PEX1: variants seen among roughly 807,000 people sequenced by gnomAD.
PEX1 encodes peroxisomal biogenesis factor 1.
In PEX1, 97 loss-of-function variants were observed where a neutral mutation model predicts 152.5. The ratio of observed to expected loss-of-function variants is 0.64; its 90% CI spans 0.54 to 0.75. The LOEUF (loss-of-function observed/expected upper bound fraction) is 0.75. PEX1 is among the 30% of genes least tolerant of loss of function. The probability of loss-of-function intolerance (pLI) is 0.00; values close to 1 mark genes in which losing one functional copy is unlikely to be tolerated. For missense variants in PEX1, 1,357 were observed against 1,516.3 expected (o/e 0.89, Z 1.74); for synonymous variants, 485 against 531.6 (o/e 0.91, Z 1.21).
chr7:92,502,948 G>T, intron 13 of PEX1, 93 bp downstream of exon 13: 4 of 1,027,952 alleles, frequency 3.9e-6, no homozygotes, highest in Non-Finnish European at 6.0e-6. Context: ...ATTAAGAGAA[G>T]CATAAATTTA....
In PEX1 at chr7:92,516,008, A is replaced by AAAGAGAAGAG. The variant is rs770569979; in HGVS notation, c.1239+1258_1239+1267dup. 3.1e-3 allele frequency among the ~76,000 whole-genome samples: 316 copies of AAAGAGAAGAG among 103,514 alleles called. 10 individuals carry two copies. The highest frequency in any genetic ancestry group is 0.025 in the East Asian group (80 of 3,220). The allele number at this position is 103,514 out of a possible 152,430, so 67.9% of individuals were successfully genotyped here. On this transcript the variant is annotated intron_variant, in intron 5 of 23. Transcript: ENST00000248633. ...GCTTCTAACTCAAAAAAAGAAAAGA[A>AAAGAGAAGAG]AAGAGAAGAGAAGAGAAGAGAAGAG...
In PEX1 at chr7:92,494,587, A is replaced by C. The variant is rs756877568; in HGVS notation, c.2826T>G (p.Phe942Leu). 1 of 1,614,052 alleles carries C rather than the reference A, an allele frequency of 6.2e-7. No individual in the cohort carries two copies. Among genetic ancestry groups the C allele is most frequent in the East Asian group, 2.2e-5 (1 of 44,876 alleles). The change falls in exon 18 of 24, where the codon TTT becomes TTG. Residue 942 changes from phenylalanine (F) to leucine (L), a missense_variant. Phe to Leu is a conservative substitution (Grantham distance 22). Transcript: ENST00000248633. ...GACCCCGCCGAGGAGCAATGGATTCAAATTCATCAAAGAAAAGAATGCAGG... is the reference window on the plus strand; with the variant it reads ...GACCCCGCCGAGGAGCAATGGATTCCAATTCATCAAAGAAAAGAATGCAGG... ...AKPCILFFDE[F>L]ESIAPRRGHD...
intron 16 of PEX1, among the ~76,000 whole-genome samples, chr7:92,498,175 A>C (rs1264366999): frequency 1.3e-5 from 2 of 152,136 alleles, no homozygotes; most frequent in Admixed American, 6.5e-5. Flanking sequence ...ACACGACAAA[A>C]GAGTAATTTA....
intron 6 of PEX1, 46 bp from the exon 7 acceptor site, chr7:92,511,749 T>A: frequency 6.4e-7 from 1 of 1,555,764 alleles, no homozygotes; most frequent in Non-Finnish European, 8.8e-7. Context: ...TATCTGAACT[T>A]AACTTTAACA....
chr7:92,516,051 GAGAA>G (rs1562864768), intron 5 of PEX1, among the ~76,000 whole-genome samples: 2,227 of 74,132 alleles, frequency 0.03, 37 homozygotes, highest in Admixed American at 0.085. Flanking sequence ...GAGAAGAGAA[GAGAA>G]AAAAGAAAAG....
chr7:92,507,007 A>T lies in PEX1; in HGVS notation c.1790T>A (p.Leu597His), dbSNP rs764488982. 1 of 1,614,150 alleles carries T rather than the reference A, an allele frequency of 6.2e-7. No homozygotes were observed. The highest frequency in any genetic ancestry group is 1.7e-5 in the Admixed American group (1 of 60,020). ...TTAACCACTTACCTTTCCTCCTGTGAGTAAAAGAGCTCCATTCCTAAGTCC... is the reference window on the plus strand; with the variant it reads ...TTAACCACTTACCTTTCCTCCTGTGTGTAAAAGAGCTCCATTCCTAAGTCC... The part of the protein sequence containing the change: ...VAGLRNGALL[L>H]TGGKGSGKST... Residue 597 changes from leucine (L) to histidine (H), a missense_variant, in exon 10 of 24, where the codon CTC becomes CAC. Leu to His is a moderately conservative substitution (Grantham distance 99). Transcript: ENST00000248633.
At chr7:92,524,247 C>A (rs955105457) in intron 1 of PEX1, among the ~76,000 whole-genome samples, 1 of 151,576 alleles carries the variant, frequency 6.6e-6, no homozygotes, top group Admixed American at 6.6e-5. Context: ...GCCAACATGC[C>A]CAGTCTTTAT....
At chr7:92,499,643 G>C (rs1413929883) in intron 16 of PEX1, 61 bp downstream of exon 16, 14 of 1,375,428 alleles carry the variant, frequency 1.0e-5, no homozygotes, top group Non-Finnish European at 1.5e-5. Flanking sequence ...ACTTTGAAAT[G>C]GCTAACTGCA....
At chr7:92,518,744 A>G (rs1203096417) in intron 3 of PEX1, among the ~76,000 whole-genome samples, 3 of 151,920 alleles carry the variant, frequency 2.0e-5, no homozygotes, top group African/African-American at 7.3e-5. Context: ...TAATTTTTGT[A>G]TTTTTAGTAG....
chr7:92,497,069 A>G (rs999285122), intron 16 of PEX1, among the ~76,000 whole-genome samples: 3 of 152,068 alleles, frequency 2.0e-5, no homozygotes, highest in African/African-American at 7.2e-5. Flanking sequence ...AAGTCCATCT[A>G]TGACTCACTC....
rs536447627 is a variant in PEX1 at position 92,521,046 on chromosome 7, A to C, written c.273+1056T>G. ...GGAGTGCATAATCATAGGTCACTCAAATTCCTGGTCTCAAGCATTCCTCCT... is the reference window on the plus strand; with the variant it reads ...GGAGTGCATAATCATAGGTCACTCACATTCCTGGTCTCAAGCATTCCTCCT... On this transcript the variant is annotated intron_variant, in intron 2 of 23. Coordinates refer to ENST00000248633, the MANE Select transcript of PEX1 (RefSeq NM_000466.3). 2.0e-5 allele frequency among the ~76,000 whole-genome samples: 3 copies of C among 152,292 alleles called. No homozygotes were observed. In the South Asian group the frequency reaches 6.2e-4, roughly 32 times the overall value.
chr7:92,509,113 G>T (rs1792331957), intron 9 of PEX1, among the ~76,000 whole-genome samples: 1 of 148,558 alleles, frequency 6.7e-6, no homozygotes, highest in Non-Finnish European at 1.5e-5. Context: ...ACCAGGGATG[G>T]ATAAAAACAT....
chr7:92,487,236 G>T lies in PEX1; in HGVS notation c.*221C>A. On this transcript the variant is annotated 3_prime_UTR_variant, in exon 24 of 24. Transcript: ENST00000248633. ...ATTAAAGACTGAATTTAGATTTTAG[G>T]AAATAAAATATGGAATCTGTTATAA... 1 of 311,558 alleles carries T rather than the reference G, an allele frequency of 3.2e-6. No homozygotes were observed. The highest frequency in any genetic ancestry group is 5.8e-6 in the Non-Finnish European group (1 of 172,010). 19.3% of individuals were successfully genotyped at this position (311,558 alleles called of 1,614,324 possible). A position where few individuals can be genotyped will look rare whatever the true frequency, so the allele number is the denominator to read the frequency against.
chr7:92,499,637 T>C, intron 16 of PEX1, 67 bp downstream of exon 16: 1 of 1,355,000 alleles, frequency 7.4e-7, no homozygotes, highest in Non-Finnish European at 1.1e-6. Context: ...ATTTACACTT[T>C]GAAATGGCTA....
rs752937649 is a variant in PEX1 at position 92,501,610 on chromosome 7, C to G, written c.2480G>C (p.Arg827Pro). ...ALRGFLPASLRSVNLHKPRDL... is the reference protein window; with the variant it reads ...ALRGFLPASLPSVNLHKPRDL... ...TCTAGGTTTATGCAGGTTGACACTTCGCAAAGACGCAGGAAGAAATCCGCG... is the reference window on the plus strand; with the variant it reads ...TCTAGGTTTATGCAGGTTGACACTTGGCAAAGACGCAGGAAGAAATCCGCG... Residue 827 changes from arginine to proline, a missense_variant, in exon 15 of 24, where the codon CGA becomes CCA. Transcript: ENST00000248633. 2 of 1,613,862 alleles carry G rather than the reference C, an allele frequency of 1.2e-6. No homozygotes were observed. Among genetic ancestry groups the G allele is most frequent in the Admixed American group, 1.7e-5 (1 of 60,002 alleles).
chr7:92,523,724 A>C (rs2116275333), intron 1 of PEX1, among the ~76,000 whole-genome samples: 1 of 152,206 alleles, frequency 6.6e-6, no homozygotes, highest in South Asian at 2.1e-4. Context: ...CCATCTACTC[A>C]GGAAGCCGAG....
rs570005780 is a variant in PEX1, at chr7:92,492,334, A to G, written c.3207+619T>C. On this transcript the variant is annotated intron_variant, in intron 20 of 23. Coordinates refer to ENST00000248633, the MANE Select transcript of PEX1 (RefSeq NM_000466.3). Reference sequence around the variant, plus strand: ...AATTTTTAAATTTTTCACAGAGACAAGATCCCACTCTGTTGTCCATAGTGG... The same window carrying G: ...AATTTTTAAATTTTTCACAGAGACAGGATCCCACTCTGTTGTCCATAGTGG... Among the ~76,000 whole-genome samples, 8 of 152,296 alleles carry G rather than the reference A, an allele frequency of 5.3e-5. No individual in the cohort carries two copies. In the East Asian group the frequency reaches 1.5e-3, roughly 29 times the overall value.
chr7:92,508,703 G>A (rs1037703505), intron 9 of PEX1, among the ~76,000 whole-genome samples: 3 of 152,148 alleles, frequency 2.0e-5, no homozygotes, highest in Non-Finnish European at 1.5e-5. Context: ...CTTCTAAGAG[G>A]TAGTGTTTAT....
chr7:92,496,776 C>G lies in PEX1; in HGVS notation c.2720G>C (p.Gly907Ala), dbSNP rs1470949857. 6.3e-7 allele frequency: 1 copy of G among 1,596,560 alleles called. No individual in the cohort carries two copies. Among genetic ancestry groups the G allele is most frequent in the Middle Eastern group, 1.7e-4 (1 of 6,016 alleles). ...ESRMNFISVK[G>A]PELLSKYIGA... ...AATGTATTTGCTGAGTAACTCTGGC[C>G]CCTATTGGGTAAAATAAGAGTTGAG... The change falls in exon 17 of 24, where the codon GGG (glycine) becomes GCG (alanine). Residue 907 changes from glycine to alanine, a missense_variant and splice_region_variant. Gly to Ala is a moderately conservative substitution (Grantham distance 60). Transcript: ENST00000248633.
Sources: allele counts gnomAD v4.1 joint callset (sites outside exome capture counted in the v4.1 genomes callset), GRCh38; gene constraint gnomAD v4.1.1; transcripts MANE v1.5; gene names NCBI Gene and HGNC (gene_info 2026-07-23, HGNC 2026-07-21).